ETV5: variants seen among roughly 807,000 people sequenced by gnomAD.
ETV5 encodes the protein ETS translocation variant 5.
ETV5 carries 10 observed loss-of-function variants against 70.0 expected under a neutral mutation model. The observed-to-expected ratio is 0.14, with a 90% CI of 0.09 to 0.24. The LOEUF (loss-of-function observed/expected upper bound fraction) is 0.24. ETV5 is among the 10% of genes least tolerant of loss of function. The pLI, the probability that ETV5 is intolerant of heterozygous loss-of-function variation, is 1.00. For missense variants in ETV5, 453 were observed against 651.2 expected, an observed-to-expected ratio of 0.70 and a Z score of 3.31; for synonymous variants, 216 against 242.2, an observed-to-expected ratio of 0.89 and a Z score of 1.01.
intron 9 of ETV5, among the ~76,000 whole-genome samples, chr3:186,063,429 T>C (rs2150144112): frequency 1.3e-5 from 2 of 152,364 alleles, no homozygotes; most frequent in South Asian, 4.1e-4. Flanking sequence ...AGGTCAGCAC[T>C]AATGAAGGCA....
In ETV5 at chr3:186,085,662, C is replaced by T. The variant is rs565300877; in HGVS notation, c.233-4487G>A. On this transcript the variant is annotated intron_variant, in intron 5 of 12. Coordinates refer to ENST00000306376, the MANE Select transcript of ETV5 (RefSeq NM_004454.3). ...CAGCTGGGATTACAGGCATGCACCACCACTCCCGGCTAATTTTTTGTATTT... is the reference window on the plus strand; with the variant it reads ...CAGCTGGGATTACAGGCATGCACCATCACTCCCGGCTAATTTTTTGTATTT... Among the ~76,000 whole-genome samples, 11 of 152,136 alleles carry T rather than the reference C, an allele frequency of 7.2e-5. No individual in the cohort carries two copies. In the South Asian group the frequency reaches 1.9e-3, roughly 26 times the overall value.
chr3:186,088,199 C>G (rs559250294), intron 5 of ETV5, among the ~76,000 whole-genome samples: 1 of 152,316 alleles, frequency 6.6e-6, no homozygotes, highest in South Asian at 2.1e-4. Context: ...CCAGGTCACA[C>G]TCAACTGTCA....
chr3:186,099,697 C>A (rs149083453), intron 5 of ETV5, among the ~76,000 whole-genome samples: 1 of 152,072 alleles, frequency 6.6e-6, no homozygotes, highest in African/African-American at 2.4e-5. Flanking sequence ...GGAGACAGTA[C>A]ACATTTTCGG....
Position 186,048,398 on chromosome 3 carries a change from C to T in ETV5, c.*241G>A. 1 of 546,006 alleles carries T rather than the reference C, an allele frequency of 1.8e-6. No individual in the cohort carries two copies. The highest frequency in any genetic ancestry group is 3.3e-6 in the Non-Finnish European group (1 of 303,496). The allele number at this position is 546,006 out of a possible 1,614,324, so 33.8% of individuals were successfully genotyped here. On this transcript the variant is annotated 3_prime_UTR_variant, in exon 13 of 13. Coordinates refer to ENST00000306376, the MANE Select transcript of ETV5 (RefSeq NM_004454.3). Reference sequence around the variant, plus strand: ...TCCATTTTGATCTCTTCCCAGAAACCTCATCAGAATCAAGAGTTGAGGCAC... The same window carrying T: ...TCCATTTTGATCTCTTCCCAGAAACTTCATCAGAATCAAGAGTTGAGGCAC...
intron 9 of ETV5, among the ~76,000 whole-genome samples, chr3:186,058,612 C>A (rs190288592): frequency 6.6e-6 from 1 of 151,970 alleles, no homozygotes; most frequent in Non-Finnish European, 1.5e-5. Flanking sequence ...AGGCTGGGCA[C>A]GGTGGTGAGC....
chr3:186,074,795 T>G (rs1363816206), intron 7 of ETV5, among the ~76,000 whole-genome samples: 1 of 147,856 alleles, frequency 6.8e-6, no homozygotes, highest in African/African-American at 2.5e-5. Context: ...CCGCCTATAA[T>G]TCCAGCTATG....
At chr3:186,086,624 T>A (rs1159855993) in intron 5 of ETV5, among the ~76,000 whole-genome samples, 1 of 151,984 alleles carries the variant, frequency 6.6e-6, no homozygotes, top group Admixed American at 6.5e-5. Flanking sequence ...AACAAAATCA[T>A]CAAATAGCTA....
chr3:186,059,103 T>C (rs958582618), intron 9 of ETV5, among the ~76,000 whole-genome samples: 2 of 152,148 alleles, frequency 1.3e-5, no homozygotes, highest in African/African-American at 4.8e-5. Flanking sequence ...TTCACCATTC[T>C]TTGTTTCTTC....
chr3:186,100,797 A>G (rs1052872764), intron 5 of ETV5, among the ~76,000 whole-genome samples: 46 of 152,190 alleles, frequency 3.0e-4, no homozygotes, highest in African/African-American at 1.0e-3. Flanking sequence ...TTGAAATAAG[A>G]TTTTTATCAT....
chr3:186,108,469 C>T (rs1714650384), intron 1 of ETV5: 7 of 1,257,452 alleles, frequency 5.6e-6, no homozygotes, highest in South Asian at 2.5e-5. Flanking sequence ...GTGTCATTTA[C>T]CCCCTCCCGG....
At position 186,105,515 on chromosome 3, in the gene ETV5, ACC is replaced by A; in HGVS notation, c.134-21_134-20del. 1 of 1,613,974 alleles carries A rather than the reference ACC, an allele frequency of 6.2e-7. No homozygotes were observed. Among genetic ancestry groups the A allele is most frequent in the Non-Finnish European group, 8.5e-7 (1 of 1,179,902 alleles). On this transcript the variant is annotated intron_variant, in intron 3 of 12. Transcript: ENST00000306376. This position sits in a 1 kb window ranked among gnomAD's most constrained non-coding sequence, Gnocchi z 4.5. ...AATAGCTCTGAAATTGAAAAAGAAG[ACC>A]CCAGAATGAGGATATTTCTTTCGCT...
At chr3:186,106,956 A>G in intron 1 of ETV5, 1 of 985,206 alleles carries the variant, frequency 1.0e-6, no homozygotes, top group Non-Finnish European at 1.2e-6. Context: ...TCCAGCTCTA[A>G]GCAATTCAAA....
At chr3:186,096,643 T>C (rs1336773861) in intron 5 of ETV5, among the ~76,000 whole-genome samples, 1 of 152,096 alleles carries the variant, frequency 6.6e-6, no homozygotes, top group Non-Finnish European at 1.5e-5. Context: ...AAAAAAATCC[T>C]TGAGGCAAAA....
At position 186,046,587 on chromosome 3, in the gene ETV5, G is replaced by A. The variant is rs1712882333; in HGVS notation, c.*2052C>T. On this transcript the variant is annotated 3_prime_UTR_variant, in exon 13 of 13. Coordinates refer to ENST00000306376, the MANE Select transcript of ETV5 (RefSeq NM_004454.3). ...CTGTCCTATGCCCAGTGACAGCACA[G>A]GTCACGTAAGTTACAGCAGGGGAGG... 8.7e-6 allele frequency: 2 copies of A among 229,954 alleles called. No individual in the cohort carries two copies. Among genetic ancestry groups the A allele is most frequent in the East Asian group, 1.2e-4 (2 of 16,236 alleles). The allele number at this position is 229,954 out of a possible 1,614,324, so 14.2% of individuals were successfully genotyped here.
Position 186,065,891 on chromosome 3 carries a change from T to C in ETV5, c.832A>G (p.Met278Val). Residue 278 changes from methionine (M) to valine (V), a missense_variant, in exon 8 of 13, where the codon ATG becomes GTG. Physicochemically the swap from Met to Val is conservative, Grantham distance 21 (BLOSUM62 1). Around this residue, in one of 4 missense-constraint regions of ETV5, gnomAD observed 307 missense variants for 344.9 expected, o/e 0.89. Transcript: ENST00000306376. ...AACCCGTGTGCTGGGGGCCCTGGCATGCCCGGGACCCCATGTTCATAGAGT... is the reference window on the plus strand; with the variant it reads ...AACCCGTGTGCTGGGGGCCCTGGCACGCCCGGGACCCCATGTTCATAGAGT... Reference protein sequence around the residue: ...DPLYEHGVPGMPGPPAHGFQS... With the variant: ...DPLYEHGVPGVPGPPAHGFQS... The C allele has an allele frequency of 1.9e-6, 3 of 1,614,020 alleles. No individual in the cohort carries two copies. Among genetic ancestry groups the C allele is most frequent in the Non-Finnish European group, 2.5e-6 (3 of 1,180,000 alleles).
Position 186,063,009 on chromosome 3 carries a change from C to T in ETV5, c.970+1408G>A, listed in dbSNP as rs951483295. On this transcript the variant is annotated intron_variant, in intron 9 of 12. Transcript: ENST00000306376. ...AAACTAGGCTGGGCGCGGTAGTTCA[C>T]GCCTGTAATCCCAGCACTTTGGGAG... 6.6e-5 allele frequency among the ~76,000 whole-genome samples: 10 copies of T among 152,148 alleles called. No individual in the cohort carries two copies. The South Asian group carries it at 1.7e-3, about 25-fold the overall frequency.
intron 5 of ETV5, among the ~76,000 whole-genome samples, chr3:186,094,380 C>G (rs80080062): frequency 0.13 from 19,251 of 152,186 alleles, 1,315 homozygotes; most frequent in South Asian, 0.15. Flanking sequence ...CAGTAATTTC[C>G]AAACAGAAAA....
Position 186,105,138 on chromosome 3 carries a change from T to A in ETV5, c.232+167A>T, listed in dbSNP as rs1275496927. On this transcript the variant is annotated intron_variant, in intron 5 of 12. Coordinates refer to ENST00000306376, the MANE Select transcript of ETV5 (RefSeq NM_004454.3). This position sits in a 1 kb window ranked among gnomAD's most constrained non-coding sequence, Gnocchi z 4.5. ...CAGTAGAAATACTTTAGAAATAATT[T>A]TATTATGAAATAAAAGTTTTCAGGG... 1 of 547,580 alleles carries A rather than the reference T, an allele frequency of 1.8e-6. No homozygotes were observed. The highest frequency in any genetic ancestry group is 3.2e-6 in the Non-Finnish European group (1 of 313,344). 33.9% of individuals were successfully genotyped at this position (547,580 alleles called of 1,614,324 possible).
chr3:186,065,693 A>C, intron 8 of ETV5, 120 bp downstream of exon 8: 1 of 1,257,310 alleles, frequency 8.0e-7, no homozygotes, highest in Non-Finnish European at 1.1e-6. Flanking sequence ...AATTCTTATA[A>C]AAATTATAAA....
Sources: allele counts gnomAD v4.1 joint callset (sites outside exome capture counted in the v4.1 genomes callset), GRCh38; gene constraint gnomAD v4.1.1; regional missense constraint gnomAD v4.1.1; non-coding constraint Gnocchi (gnomAD v3.1); transcripts MANE v1.5; gene names NCBI Gene and HGNC (gene_info 2026-07-23, HGNC 2026-07-21).